SP3: variants seen among roughly 807,000 people sequenced by gnomAD.
The protein encoded by SP3 is transcription factor Sp3.
In SP3, 10 loss-of-function variants were observed where a neutral mutation model predicts 70.3. The ratio of observed to expected loss-of-function variants is 0.14; its 90% CI spans 0.09 to 0.24. SP3 has a LOEUF of 0.24. SP3 is among the 10% of genes least tolerant of loss of function. The pLI, the probability that SP3 is intolerant of heterozygous loss-of-function variation, is 1.00. For missense variants in SP3, 825 were observed against 914.6 expected (o/e 0.90, Z 1.26); for synonymous variants, 402 against 333.5 (o/e 1.21, Z -2.24).
intron 6 of SP3, among the ~76,000 whole-genome samples, chr2:173,911,321 C>T (rs1021555359): frequency 6.6e-6 from 1 of 152,144 alleles, no homozygotes; most frequent in Non-Finnish European, 1.5e-5. Context: ...TGCCTCAATC[C>T]TACTTAACAG....
chr2:173,943,545 G>T (rs1690441120), intron 4 of SP3, among the ~76,000 whole-genome samples: 1 of 151,984 alleles, frequency 6.6e-6, no homozygotes, highest in African/African-American at 2.4e-5. Flanking sequence ...TGCCCAGGCT[G>T]GTCTCGAACT....
intron 3 of SP3, among the ~76,000 whole-genome samples, chr2:173,960,568 T>G (rs1691036439): frequency 6.6e-6 from 1 of 152,190 alleles, no homozygotes; most frequent in African/African-American, 2.4e-5. Flanking sequence ...CAAAATAACT[T>G]TTTTGAAGTA....
intron 4 of SP3, among the ~76,000 whole-genome samples, chr2:173,921,503 AAG>A (rs1017286275): frequency 2.0e-5 from 3 of 151,172 alleles, no homozygotes; most frequent in African/African-American, 2.4e-5. Flanking sequence ...AGCCTGAGCC[AAG>A]AGAGAGCGGT....
intron 3 of SP3, among the ~76,000 whole-genome samples, chr2:173,961,897 T>C (rs994401097): frequency 1.3e-5 from 2 of 151,304 alleles, no homozygotes; most frequent in Non-Finnish European, 3.0e-5. Flanking sequence ...TGAAAAATCT[T>C]GGGTGCAGGT....
intron 3 of SP3, 125 bp from the exon 4 acceptor site, chr2:173,956,357 T>A (rs1436493688): frequency 2.1e-6 from 2 of 967,134 alleles, no homozygotes. Context: ...ACAATGGAGT[T>A]CAAATACAGG....
At chr2:173,932,336 C>T (rs563367879) in intron 4 of SP3, among the ~76,000 whole-genome samples, 10 of 152,230 alleles carry the variant, frequency 6.6e-5, no homozygotes, top group Non-Finnish European at 8.8e-5. Flanking sequence ...GGATTACAGG[C>T]GCCTGCCATC....
Position 173,955,385 on chromosome 2 carries a change from G to C in SP3, c.1127C>G (p.Pro376Arg). ...SDLQGNYIQS[P>R]VSEETQAQNI... ...CTGTGCCTGTGTCTCTTCAGAAACA[G>C]GCGACTGGATATAATTTCCCTGAAG... Residue 376 changes from proline to arginine, a missense_variant, in exon 4 of 7, where the codon CCT (proline) becomes CGT (arginine). Around this residue, in one of 4 missense-constraint regions of SP3, gnomAD observed 678 missense variants for 651.6 expected, o/e 1.04. Coordinates refer to ENST00000310015, the MANE Select transcript of SP3 (RefSeq NM_003111.5). 1 of 1,614,026 alleles carries C rather than the reference G, an allele frequency of 6.2e-7. No individual in the cohort carries two copies. The highest frequency in any genetic ancestry group is 8.5e-7 in the Non-Finnish European group (1 of 1,180,008).
At chr2:173,965,584 C>T (rs1361227520), upstream of SP3, 2 of 208,578 alleles carry the variant, frequency 9.6e-6, no homozygotes, top group African/African-American at 2.4e-5. Context: ...CCGCTGTGCC[C>T]GCCTCCCTCG....
intron 4 of SP3, among the ~76,000 whole-genome samples, chr2:173,932,480 C>G (rs1430476037): frequency 6.6e-6 from 1 of 152,068 alleles, no homozygotes; most frequent in Non-Finnish European, 1.5e-5. Context: ...AGTGAGCCAC[C>G]GTGCCTGGAA....
intron 5 of SP3, among the ~76,000 whole-genome samples, chr2:173,917,897 C>T (rs1283750049): frequency 4.0e-5 from 6 of 151,860 alleles, no homozygotes; most frequent in Admixed American, 6.6e-5. Flanking sequence ...TTTGTTAATA[C>T]TTGCCTGATA....
chr2:173,931,504 C>A (rs951505906), intron 4 of SP3, among the ~76,000 whole-genome samples: 2 of 151,972 alleles, frequency 1.3e-5, no homozygotes, highest in African/African-American at 4.8e-5. Context: ...CCATCATGCC[C>A]GGCTAATTTT....
In SP3 at chr2:173,904,892, T is replaced by C. The variant is rs978824174; in HGVS notation, c.*5049A>G. 2.0e-5 allele frequency among the ~76,000 whole-genome samples: 3 copies of C among 152,244 alleles called. No individual in the cohort carries two copies. The highest frequency in any genetic ancestry group is 7.2e-5 in the African/African-American group (3 of 41,466). On this transcript the variant is annotated 3_prime_UTR_variant, in exon 7 of 7. Coordinates refer to ENST00000310015, the MANE Select transcript of SP3 (RefSeq NM_003111.5). ...GGGAGAAATAACTGCATTTCTCTGA[T>C]GGCCTTTCCTAATCTTAAAAACCAC...
intron 4 of SP3, among the ~76,000 whole-genome samples, chr2:173,924,959 C>G (rs1306893524): frequency 6.6e-6 from 1 of 152,182 alleles, no homozygotes; most frequent in Admixed American, 6.5e-5. Flanking sequence ...GTGATCTCAG[C>G]TCACTGCAAC....
intron 3 of SP3, among the ~76,000 whole-genome samples, chr2:173,958,233 T>G (rs1690954952): frequency 6.6e-6 from 1 of 151,402 alleles, no homozygotes; most frequent in Non-Finnish European, 1.5e-5. Context: ...TTTCCTTTCT[T>G]TAAAAAAAAC....
At chr2:173,941,963 G>A (rs1054379787) in intron 4 of SP3, among the ~76,000 whole-genome samples, 6 of 152,050 alleles carry the variant, frequency 3.9e-5, no homozygotes, top group Admixed American at 2.0e-4. Context: ...CTCATTCACG[G>A]TATCTTACCT....
intron 4 of SP3, among the ~76,000 whole-genome samples, chr2:173,940,039 A>T (rs903787887): frequency 6.6e-6 from 1 of 151,832 alleles, no homozygotes; most frequent in Non-Finnish European, 1.5e-5. Flanking sequence ...GTGACCAGCT[A>T]ATTTTTTTTT....
chr2:173,948,225 A>C (rs1690603063), intron 4 of SP3, among the ~76,000 whole-genome samples: 1 of 152,202 alleles, frequency 6.6e-6, no homozygotes, highest in African/African-American at 2.4e-5. Context: ...CCCTTATCCA[A>C]GGTTTTGCTT....
rs1689418915 is a variant in SP3, at chr2:173,909,504, T to C, written c.*437A>G. On this transcript the variant is annotated 3_prime_UTR_variant, in exon 7 of 7. Transcript: ENST00000310015. ...GCTTGGAAACTTGATTTGTCAGTTA[T>C]GCATAATAAAAATTCCAGTCATCAA... is the stretch of plus-strand genomic sequence containing the variant. The C allele has an allele frequency of 6.3e-6, 1 of 159,856 alleles. No homozygotes were observed. The highest frequency in any genetic ancestry group is 2.4e-5 in the African/African-American group (1 of 41,488). 9.9% of individuals were successfully genotyped at this position (159,856 alleles called of 1,614,324 possible). A position where few individuals can be genotyped will look rare whatever the true frequency, so the allele number is the denominator to read the frequency against.
At chr2:173,964,329 A>T (rs1245729701) in intron 2 of SP3, 76 bp downstream of exon 2, 1 of 547,490 alleles carries the variant, frequency 1.8e-6, no homozygotes, top group Admixed American at 2.7e-5. Flanking sequence ...GGGTGAGGCG[A>T]GGAGGGAGGG....
Sources: gnomAD v4.1 joint callset for allele counts (sites outside exome capture counted in the v4.1 genomes callset) on GRCh38, gnomAD v4.1.1 for gene constraint, gnomAD v4.1.1 regional missense constraint, MANE v1.5 for transcripts, NCBI Gene and HGNC (gene_info 2026-07-23, HGNC 2026-07-21) for gene names.